The following RBFOX1 variants were observed in gnomAD, a reference collection of about 807,000 sequenced individuals.
RBFOX1 encodes the protein RNA binding fox-1 homolog 1.
A neutral mutation model predicts 57.7 loss-of-function variants in RBFOX1; 8 were observed. That is an observed-to-expected ratio of 0.14 (90% CI 0.08 to 0.25). The LOEUF (loss-of-function observed/expected upper bound fraction) is 0.25, where lower values mean the gene tolerates loss of function less well. Among genes scored for constraint, RBFOX1 ranks in the 10% least tolerant of loss-of-function variants. RBFOX1 has a pLI of 1.00. For missense variants in RBFOX1, 611 were observed against 548.5 expected (o/e 1.11, Z -1.14); for synonymous variants, 326 against 222.4 (o/e 1.47, Z -4.15).
chr16:5,856,157 CTCTCT>C, intron 3 of RBFOX1, among the ~76,000 whole-genome samples: 1 of 40,172 alleles, frequency 2.5e-5, no homozygotes, highest in African/African-American at 2.1e-4. Flanking sequence ...ATGGTTCTCT[CTCTCT>C]CTCTCTCTCT....
intron 14 of RBFOX1, among the ~76,000 whole-genome samples, chr16:7,694,001 C>T (rs145174113): frequency 2.6e-5 from 4 of 152,270 alleles, no homozygotes; most frequent in South Asian, 2.1e-4. Flanking sequence ...CTGCATGATA[C>T]GTCCATCAAA....
intron 3 of RBFOX1, among the ~76,000 whole-genome samples, chr16:6,895,459 T>TAC (rs2066621683): frequency 1.2e-5 from 1 of 86,158 alleles, no homozygotes; most frequent in African/African-American, 5.4e-5. Context: ...TATATATATA[T>TAC]ATATATATAT....
At chr16:5,340,185 G>A (rs1305070172) in intron 1 of RBFOX1, among the ~76,000 whole-genome samples, 1 of 152,160 alleles carries the variant, frequency 6.6e-6, no homozygotes, top group Non-Finnish European at 1.5e-5. Flanking sequence ...ACAAAAGACA[G>A]TTGCTTACAT....
At chr16:7,179,266 C>G (rs1415767694) in intron 4 of RBFOX1, among the ~76,000 whole-genome samples, 3 of 151,098 alleles carry the variant, frequency 2.0e-5, no homozygotes, top group Non-Finnish European at 2.9e-5. Flanking sequence ...GTTATCCTTG[C>G]TTTCAGAGTT....
At chr16:5,246,877 T>C (rs1160483399) in intron 1 of RBFOX1, among the ~76,000 whole-genome samples, 4 of 152,100 alleles carry the variant, frequency 2.6e-5, no homozygotes, top group African/African-American at 9.7e-5. Context: ...TGCTATGTTA[T>C]GCAGGCTGGT....
chr16:5,824,086 T>A (rs1398592344), intron 3 of RBFOX1, among the ~76,000 whole-genome samples: 1 of 152,138 alleles, frequency 6.6e-6, no homozygotes, highest in Non-Finnish European at 1.5e-5. Context: ...TGAGGGAAAC[T>A]TTGAGGAGTT....
intron 3 of RBFOX1, among the ~76,000 whole-genome samples, chr16:5,702,264 C>T (rs544505786): frequency 1.3e-5 from 2 of 152,126 alleles, no homozygotes; most frequent in Admixed American, 1.3e-4. Flanking sequence ...GGAAGCAAGC[C>T]CCTTCTTCAC....
chr16:6,613,072 G>T (rs1279964916), intron 2 of RBFOX1, among the ~76,000 whole-genome samples: 1 of 150,734 alleles, frequency 6.6e-6, no homozygotes, highest in Non-Finnish European at 1.5e-5. Flanking sequence ...GGAATTCACA[G>T]GATAAATACT....
chr16:6,904,401 G>C (rs1351485616), intron 3 of RBFOX1, among the ~76,000 whole-genome samples: 1 of 151,802 alleles, frequency 6.6e-6, no homozygotes, highest in Non-Finnish European at 1.5e-5. Flanking sequence ...AGGAGTTTGA[G>C]ACCAGTCTGG....
At chr16:6,984,687 C>G (rs1004808471) in intron 3 of RBFOX1, among the ~76,000 whole-genome samples, 2 of 152,150 alleles carry the variant, frequency 1.3e-5, no homozygotes, top group Admixed American at 6.5e-5. Context: ...GTTGACCAGG[C>G]TGGAGTGCAG....
intron 1 of RBFOX1, among the ~76,000 whole-genome samples, chr16:6,247,919 C>T (rs752975675): frequency 2.3e-4 from 35 of 151,868 alleles, no homozygotes; most frequent in Non-Finnish European, 4.1e-4. Flanking sequence ...CAGAACATTC[C>T]AACACTGGTT....
intron 1 of RBFOX1, among the ~76,000 whole-genome samples, chr16:6,223,632 T>G (rs532072641): frequency 7.0e-4 from 106 of 152,312 alleles, no homozygotes; most frequent in Middle Eastern, 3.4e-3. Context: ...TTGCGAAAAT[T>G]TTCTCCCATT....
intron 4 of RBFOX1, among the ~76,000 whole-genome samples, chr16:5,999,675 C>A (rs1224149366): frequency 6.6e-6 from 1 of 151,842 alleles, no homozygotes; most frequent in Admixed American, 6.6e-5. Flanking sequence ...TTCTGGCTAA[C>A]ACGGTGAAAC....
intron 3 of RBFOX1, chr16:5,838,459 A>G: frequency 6.5e-6 from 1 of 154,848 alleles, no homozygotes. Context: ...ACAATCATAT[A>G]TCCTATTCTG....
At chr16:6,643,981 C>G (rs1445351433) in intron 2 of RBFOX1, among the ~76,000 whole-genome samples, 2 of 152,060 alleles carry the variant, frequency 1.3e-5, no homozygotes, top group African/African-American at 2.4e-5. Flanking sequence ...AAAAAAATAG[C>G]CAGACGTGGT....
chr16:6,988,556 TAAC>T (rs1410415287), intron 3 of RBFOX1, among the ~76,000 whole-genome samples: 3 of 143,180 alleles, frequency 2.1e-5, no homozygotes, highest in Non-Finnish European at 4.8e-5. Flanking sequence ...TATTTTAATT[TAAC>T]TTTATTTAAT....
intron 3 of RBFOX1, among the ~76,000 whole-genome samples, chr16:6,805,332 C>G (rs1483601482): frequency 6.6e-6 from 1 of 152,116 alleles, no homozygotes; most frequent in Non-Finnish European, 1.5e-5. Context: ...AGTGGGAATT[C>G]AGTGATTTGA....
chr16:5,969,439 G>T (rs1159833139), intron 4 of RBFOX1, among the ~76,000 whole-genome samples: 1 of 148,296 alleles, frequency 6.7e-6, no homozygotes, highest in East Asian at 2.0e-4. Context: ...AGCCTCCCAA[G>T]TAGCTGGGAT....
chr16:6,458,684 A>G lies in RBFOX1; in HGVS notation c.-64+141627A>G, dbSNP rs115693499. Among the ~76,000 whole-genome samples, 515 of 152,346 alleles carry G rather than the reference A, an allele frequency of 3.4e-3. 3 individuals carry two copies. Among genetic ancestry groups the G allele is most frequent in the African/African-American group, 0.011 (456 of 41,576 alleles). On this transcript the variant is annotated intron_variant, in intron 2 of 15. Coordinates refer to ENST00000550418, the MANE Select transcript of RBFOX1 (RefSeq NM_018723.4). ...AGGCCCCTCAAACCACAGGGAAAAC[A>G]AGGTAAAGTGGCCAGTGCTATGCTC... is the stretch of plus-strand genomic sequence containing the variant.
Sources: gnomAD v4.1 joint callset for allele counts (sites outside exome capture counted in the v4.1 genomes callset) on GRCh38, gnomAD v4.1.1 for gene constraint, MANE v1.5 for transcripts, NCBI Gene and HGNC (gene_info 2026-07-23, HGNC 2026-07-21) for gene names.